SUPT20H: variants seen among roughly 807,000 people sequenced by gnomAD.
SUPT20H encodes SPT20 homolog, SAGA complex component.
Under a neutral mutation model 122.8 loss-of-function variants are expected in SUPT20H, and 82 were observed. The ratio of observed to expected loss-of-function variants is 0.67; its 90% CI spans 0.56 to 0.80. SUPT20H has a LOEUF of 0.80. Among genes scored for constraint, SUPT20H ranks in the 30% least tolerant of loss-of-function variants. SUPT20H has a pLI of 0.00. For missense variants in SUPT20H, 831 were observed against 921.6 expected (o/e 0.90, Z 1.27); for synonymous variants, 291 against 313.0 (o/e 0.93, Z 0.74).
In SUPT20H at chr13:37,022,637, C is replaced by T. The variant is rs879065779; in HGVS notation, c.1592-557G>A. ...TGCCTTTGGCCTAAAAAGTTCAAAA[C>T]GAATTCAAATTAATTTGTTATTTAC... is the stretch of plus-strand genomic sequence containing the variant. On this transcript the variant is annotated intron_variant, in intron 19 of 25. Transcript: ENST00000350612. This position sits in a 1 kb window ranked among gnomAD's most constrained non-coding sequence, Gnocchi z 4.5. 61 of 1,046,250 alleles carry T rather than the reference C, an allele frequency of 5.8e-5. 1 individual carries two copies. Among genetic ancestry groups the T allele is most frequent in the East Asian group, 1.5e-4 (2 of 13,646 alleles). 64.8% of individuals were successfully genotyped at this position (1,046,250 alleles called of 1,614,324 possible).
chr13:37,011,019 A>C (rs1179734952), intron 24 of SUPT20H, among the ~76,000 whole-genome samples: 1 of 152,248 alleles, frequency 6.6e-6, no homozygotes, highest in Non-Finnish European at 1.5e-5. Flanking sequence ...AATCCAAACT[A>C]TTGTAACAAC....
In SUPT20H at chr13:37,021,652, T is replaced by G. The variant is rs766559628; in HGVS notation, c.1662-50A>C. On this transcript the variant is annotated intron_variant, in intron 20 of 25. Coordinates refer to ENST00000350612, the MANE Select transcript of SUPT20H (RefSeq NM_001014286.3). ...TAAACTTCACTGTAAAAGGAAAAAA[T>G]CAGCCACACAATTCCTCAGATTAAA... The G allele has an allele frequency of 2.0e-6, 3 of 1,537,966 alleles. No homozygotes were observed. The Admixed American group carries it at 6.0e-5, about 31-fold the overall frequency.
chr13:37,026,712 A>AAATTCAAATAAAGTC, intron 15 of SUPT20H, 78 bp downstream of exon 15: 2 of 844,558 alleles, frequency 2.4e-6, no homozygotes, highest in Non-Finnish European at 3.6e-6. Context: ...CAAATAAAGT[A>AAATTCAAATAAAGTC]TATTTAGCAA....
chr13:37,022,918 A>G lies in SUPT20H; in HGVS notation c.1592-838T>C. 1 of 1,156,686 alleles carries G rather than the reference A, an allele frequency of 8.6e-7. No homozygotes were observed. The highest frequency in any genetic ancestry group is 1.1e-6 in the Non-Finnish European group (1 of 917,494). 71.7% of individuals were successfully genotyped at this position (1,156,686 alleles called of 1,614,324 possible). A position where few individuals can be genotyped will look rare whatever the true frequency, so the allele number is the denominator to read the frequency against. On this transcript the variant is annotated intron_variant, in intron 19 of 25. Transcript: ENST00000350612. The surrounding 1 kb of genome is among the most constrained non-coding windows in gnomAD (Gnocchi z 4.5). ...GTACTTCTGTTTAAATGTAGAATGT[A>G]TAGAAAATCTGTTGTGAATGAAGTA...
Position 37,022,094 on chromosome 13 carries a change from TGTTACCATG to T in SUPT20H, c.1592-23_1592-15del. On this transcript the variant is annotated splice_polypyrimidine_tract_variant and intron_variant, in intron 19 of 25. Transcript: ENST00000350612. The surrounding 1 kb of genome is among the most constrained non-coding windows in gnomAD (Gnocchi z 4.5). The stretch of plus-strand genomic sequence containing the variant: ...TGGCCGTGGTTCCTGGAGTTATAGA[TGTTACCATG>T]GTGGAAAGAGGAATGGTTGTTACAG... The T allele has an allele frequency of 6.2e-7, 1 of 1,614,126 alleles. No individual in the cohort carries two copies.
intron 7 of SUPT20H, among the ~76,000 whole-genome samples, chr13:37,042,479 T>C (rs2065661802): frequency 6.6e-6 from 1 of 152,112 alleles, no homozygotes; most frequent in Admixed American, 6.6e-5. Flanking sequence ...CACATGTTTA[T>C]GGATGGAACA....
intron 4 of SUPT20H, 94 bp downstream of exon 4, chr13:37,047,784 A>C (rs1379726326): frequency 2.2e-6 from 3 of 1,337,546 alleles, no homozygotes; most frequent in Non-Finnish European, 2.0e-6. Flanking sequence ...AGAACCTATA[A>C]AATTTCTAGC....
In SUPT20H at chr13:37,045,371, T is replaced by C; in HGVS notation, c.168A>G (p.Lys56=). Residue 56 remains lysine (K), a splice_region_variant and synonymous_variant, in exon 6 of 26, where the codon AAA becomes AAG. Coordinates refer to ENST00000350612, the MANE Select transcript of SUPT20H (RefSeq NM_001014286.3). The part of the protein sequence containing the change: ...EECEKEPEVK[K]LRRNVNLLEK... ...CTAACAAGTTCACATTTCTTCTTAATTTCTGCTTTAAAAAGAGGCAGAGCT... is the reference window on the plus strand; with the variant it reads ...CTAACAAGTTCACATTTCTTCTTAACTTCTGCTTTAAAAAGAGGCAGAGCT... The C allele has an allele frequency of 6.2e-7, 1 of 1,613,176 alleles. No individual in the cohort carries two copies. Among genetic ancestry groups the C allele is most frequent in the Non-Finnish European group, 8.5e-7 (1 of 1,179,546 alleles).
intron 22 of SUPT20H, 107 bp from the exon 23 acceptor site, chr13:37,017,471 T>TAACTAGAAG: frequency 8.7e-7 from 1 of 1,154,316 alleles, no homozygotes; most frequent in Non-Finnish European, 1.2e-6. Flanking sequence ...GTCACTCTTC[T>TAACTAGAAG]AGTTATTGAA....
intron 21 of SUPT20H, 101 bp from the exon 22 acceptor site, chr13:37,019,498 T>G (rs2061121851): frequency 2.8e-6 from 2 of 717,434 alleles, no homozygotes; most frequent in East Asian, 3.2e-5. Context: ...TTATGTATTC[T>G]CTGCATAGAT....
chr13:37,058,273 A>T (rs1213259146), intron 1 of SUPT20H, among the ~76,000 whole-genome samples: 1 of 152,166 alleles, frequency 6.6e-6, no homozygotes, highest in African/African-American at 2.4e-5. Flanking sequence ...CTGAAACTTT[A>T]AAAAATGGAC....
At chr13:37,047,650 A>G (rs777276870) in intron 4 of SUPT20H, 49 bp from the exon 5 acceptor site, 65 of 1,320,682 alleles carry the variant, frequency 4.9e-5, no homozygotes, top group Non-Finnish European at 6.6e-5. Context: ...CAGAGTAATC[A>G]TCATGACATG....
chr13:37,034,131 A>C (rs763905191), intron 9 of SUPT20H, among the ~76,000 whole-genome samples: 3 of 152,208 alleles, frequency 2.0e-5, no homozygotes, highest in Non-Finnish European at 4.4e-5. Context: ...TAATATTTAA[A>C]TTAGGCAAAA....
At chr13:37,023,814 C>A (rs1045731320) in intron 19 of SUPT20H, 2 of 385,576 alleles carry the variant, frequency 5.2e-6, no homozygotes, top group Admixed American at 4.4e-5. Context: ...GAAAGGTACA[C>A]GCAGAATGTA....
chr13:37,038,554 T>C (rs1419912805), intron 9 of SUPT20H: 1 of 152,230 alleles, frequency 6.6e-6, no homozygotes, highest in Admixed American at 6.5e-5. Flanking sequence ...TAGTTACTGA[T>C]GAACTGAAGC....
In SUPT20H at chr13:37,040,477, T is replaced by A; in HGVS notation, c.514-19A>T. 1 of 1,569,466 alleles carries A rather than the reference T, an allele frequency of 6.4e-7. No individual in the cohort carries two copies. Among genetic ancestry groups the A allele is most frequent in the Non-Finnish European group, 8.6e-7 (1 of 1,163,878 alleles). ...TTAAAGTCTAGAAGAAATAAAAATT[T>A]AAAAAACTTATTAATCTATGCACAA... On this transcript the variant is annotated intron_variant, in intron 8 of 25. Coordinates refer to ENST00000350612, the MANE Select transcript of SUPT20H (RefSeq NM_001014286.3).
intron 22 of SUPT20H, 94 bp downstream of exon 22, chr13:37,019,248 C>T: frequency 1.1e-6 from 1 of 889,294 alleles, no homozygotes; most frequent in Non-Finnish European, 1.7e-6. Flanking sequence ...AAACAGACCT[C>T]AGAATTTCAA....
intron 24 of SUPT20H, among the ~76,000 whole-genome samples, chr13:37,011,775 G>C (rs2059671685): frequency 6.6e-6 from 1 of 151,828 alleles, no homozygotes. Context: ...TTATGCTATT[G>C]ACCATTAAGA....
At chr13:37,047,780 T>C in intron 4 of SUPT20H, 98 bp downstream of exon 4, 1 of 1,308,532 alleles carries the variant, frequency 7.6e-7, no homozygotes, top group Admixed American at 2.7e-5. Flanking sequence ...GCAAAGAACC[T>C]ATAAAATTTC....
Sources: gnomAD v4.1 joint callset for allele counts (sites outside exome capture counted in the v4.1 genomes callset) on GRCh38, gnomAD v4.1.1 for gene constraint, Gnocchi (gnomAD v3.1) non-coding constraint, MANE v1.5 for transcripts, NCBI Gene and HGNC (gene_info 2026-07-23, HGNC 2026-07-21) for gene names.